The following ROBO2 variants were observed in gnomAD, a reference collection of about 807,000 sequenced individuals.
ROBO2 encodes the protein roundabout guidance receptor 2, also known as roundabout homolog 2.
A neutral mutation model predicts 160.8 loss-of-function variants in ROBO2; 53 were observed. The observed-to-expected ratio is 0.33, with a 90% CI of 0.26 to 0.41. ROBO2 has a LOEUF of 0.41. Among genes scored for constraint, ROBO2 ranks in the 10% least tolerant of loss-of-function variants. ROBO2 has a pLI of 1.00. For synonymous variants in ROBO2, 664 were observed against 611.7 expected (o/e 1.09, Z -1.26); for missense variants, 1,577 against 1,722.4 (o/e 0.92, Z 1.49).
intron 2 of ROBO2, among the ~76,000 whole-genome samples, chr3:76,727,101 A>T (rs2093564206): frequency 6.6e-6 from 1 of 151,326 alleles, no homozygotes; most frequent in South Asian, 2.1e-4. Flanking sequence ...TGACTGTTGC[A>T]TATGTCATAT....
rs1195071256 is a variant in ROBO2 at position 76,992,368 on chromosome 3, T to TATATAA, written c.110-105645_110-105644insTATAAA. On this transcript the variant is annotated intron_variant, in intron 2 of 26. Transcript: ENST00000487694. ...ATATATATATATATATATATATATA[T>TATATAA]AAATTTAGCTTTTGTAAAAAAAAAG... Among the ~76,000 whole-genome samples the TATATAA allele has an allele frequency of 1.6e-4, 6 of 38,260 alleles. No individual in the cohort carries two copies. In the South Asian group the frequency reaches 2.6e-3, roughly 17 times the overall value. The allele number at this position is 38,260 out of a possible 152,430, so 25.1% of individuals were successfully genotyped here. A position where few individuals can be genotyped will look rare whatever the true frequency, so the allele number is the denominator to read the frequency against.
At chr3:76,384,359 A>G (rs546701442) in intron 2 of ROBO2, among the ~76,000 whole-genome samples, 11 of 152,348 alleles carry the variant, frequency 7.2e-5, no homozygotes, top group African/African-American at 2.4e-4. Context: ...GTTAACATTC[A>G]GCCATCTAGA....
At chr3:76,931,387 G>A in intron 2 of ROBO2, among the ~76,000 whole-genome samples, 1 of 152,076 alleles carries the variant, frequency 6.6e-6, no homozygotes, top group East Asian at 1.9e-4. Context: ...GTTCTTATTA[G>A]ATTTCCATTG....
intron 2 of ROBO2, among the ~76,000 whole-genome samples, chr3:77,278,327 C>T (rs941182207): frequency 6.6e-6 from 1 of 152,154 alleles, no homozygotes; most frequent in Non-Finnish European, 1.5e-5. Context: ...AATCTCTACT[C>T]TGGCCTTCCT....
At chr3:77,136,225 G>A (rs2076266175) in intron 2 of ROBO2, among the ~76,000 whole-genome samples, 1 of 152,076 alleles carries the variant, frequency 6.6e-6, no homozygotes, top group South Asian at 2.1e-4. Context: ...GATAATTAAG[G>A]AGACATTGAA....
At chr3:76,026,592 A>ATGCAATATG (rs1485999296) in intron 2 of ROBO2, among the ~76,000 whole-genome samples, 3 of 151,988 alleles carry the variant, frequency 2.0e-5, no homozygotes, top group Admixed American at 1.3e-4. Flanking sequence ...TTCTGTAGAC[A>ATGCAATATG]TGCAATATGG....
chr3:76,689,708 C>A (rs934368528), intron 2 of ROBO2, among the ~76,000 whole-genome samples: 1 of 152,128 alleles, frequency 6.6e-6, no homozygotes, highest in African/African-American at 2.4e-5. Context: ...AGCCATCATA[C>A]GGAAAGCTTT....
At chr3:76,112,321 G>A (rs2070270130) in intron 2 of ROBO2, among the ~76,000 whole-genome samples, 1 of 151,520 alleles carries the variant, frequency 6.6e-6, no homozygotes, top group Non-Finnish European at 1.5e-5. Flanking sequence ...TTATTATCAT[G>A]GGCATCTTGT....
chr3:76,967,665 G>T (rs901550469), intron 2 of ROBO2, among the ~76,000 whole-genome samples: 31 of 151,378 alleles, frequency 2.0e-4, no homozygotes, highest in African/African-American at 7.5e-4. Flanking sequence ...GGGACTACAG[G>T]CACTCTCTAC....
chr3:76,587,644 G>A (rs532512778), intron 2 of ROBO2, among the ~76,000 whole-genome samples: 159 of 152,264 alleles, frequency 1.0e-3, no homozygotes, highest in African/African-American at 3.7e-3. Flanking sequence ...AACACGTGGG[G>A]ATTATAGGAA....
chr3:76,051,861 T>C (rs2067664725), intron 2 of ROBO2, among the ~76,000 whole-genome samples: 1 of 146,882 alleles, frequency 6.8e-6, no homozygotes, highest in Non-Finnish European at 1.5e-5. Flanking sequence ...ATTTAGTTGA[T>C]AAAGCTCAGC....
chr3:77,054,923 C>CGTGTGTGTGTGT (rs1426385625), intron 1 of ROBO2, among the ~76,000 whole-genome samples: 6 of 58,806 alleles, frequency 1.0e-4, no homozygotes, highest in South Asian at 9.9e-4. Flanking sequence ...CAAAATCTCG[C>CGTGTGTGTGTGT]GTGTATGTGT....
chr3:77,439,494 A>G (rs1415906981), intron 2 of ROBO2, among the ~76,000 whole-genome samples: 1 of 152,170 alleles, frequency 6.6e-6, no homozygotes, highest in East Asian at 1.9e-4. Flanking sequence ...TCTGAAAAAG[A>G]TGGACTGCAT....
At chr3:76,698,141 A>T (rs777605142) in intron 2 of ROBO2, among the ~76,000 whole-genome samples, 10 of 152,172 alleles carry the variant, frequency 6.6e-5, no homozygotes, top group Non-Finnish European at 1.3e-4. Flanking sequence ...GGCTTTTTCC[A>T]TCTGTACTAT....
intron 2 of ROBO2, among the ~76,000 whole-genome samples, chr3:76,678,855 A>G (rs766279225): frequency 6.6e-6 from 1 of 152,182 alleles, no homozygotes; most frequent in Non-Finnish European, 1.5e-5. Context: ...AAATGGAATA[A>G]TTTATGAGTT....
At chr3:76,510,152 A>T (rs569346807) in intron 2 of ROBO2, among the ~76,000 whole-genome samples, 1 of 152,244 alleles carries the variant, frequency 6.6e-6, no homozygotes, top group South Asian at 2.1e-4. Flanking sequence ...ACTCACTGTG[A>T]TTTCTTGCTT....
At chr3:76,628,636 T>C (rs913794897) in intron 2 of ROBO2, among the ~76,000 whole-genome samples, 3 of 152,278 alleles carry the variant, frequency 2.0e-5, no homozygotes, top group Non-Finnish European at 2.9e-5. Context: ...CTCACTGGTC[T>C]AAAAAGTTGT....
intron 2 of ROBO2, among the ~76,000 whole-genome samples, chr3:77,277,959 AC>A (rs34686687): frequency 0.34 from 51,718 of 151,910 alleles, 10,659 homozygotes; most frequent in Middle Eastern, 0.5. Flanking sequence ...CTGCAAACTC[AC>A]CAGCATCTGT....
At chr3:76,436,159 A>AACACACACACACACACACACACACACAC (rs3065704) in intron 2 of ROBO2, among the ~76,000 whole-genome samples, 6,079 of 140,226 alleles carry the variant, frequency 0.043, 185 homozygotes, top group East Asian at 0.099. Context: ...TTAAAAGGAA[A>AACACACACACACACACACACACACACAC]ACACACACAC....
Sources: gnomAD v4.1 joint callset for allele counts (sites outside exome capture counted in the v4.1 genomes callset) on GRCh38, gnomAD v4.1.1 for gene constraint, MANE v1.5 for transcripts, NCBI Gene and HGNC (gene_info 2026-07-23, HGNC 2026-07-21) for gene names.